C1orf141: variants seen among roughly 807,000 people sequenced by gnomAD.
The protein encoded by C1orf141 is chromosome 1 open reading frame 141.
In C1orf141, 19 loss-of-function variants were observed where a neutral mutation model predicts 23.2. The ratio of observed to expected loss-of-function variants is 0.82; its 90% CI spans 0.57 to 1.20. The LOEUF (loss-of-function observed/expected upper bound fraction) is 1.20, where lower values mean the gene tolerates loss of function less well. C1orf141 is among the 50% of genes most tolerant of loss of function. The probability of loss-of-function intolerance (pLI) is 0.00; values close to 1 mark genes in which losing one functional copy is unlikely to be tolerated. For synonymous variants in C1orf141, 153 were observed against 154.6 expected (o/e 0.99, Z 0.08); for missense variants, 469 against 455.1 (o/e 1.03, Z -0.28).
chr1:67,136,681 A>T (rs192665884), upstream of C1orf141, among the ~76,000 whole-genome samples: 462 of 152,312 alleles, frequency 3.0e-3, no homozygotes, highest in African/African-American at 9.0e-3. Flanking sequence ...TTCATCCTTT[A>T]CTTTTCATTC....
chr1:67,135,294 A>T (rs1646575627), upstream of C1orf141, among the ~76,000 whole-genome samples: 1 of 152,242 alleles, frequency 6.6e-6, no homozygotes, highest in Non-Finnish European at 1.5e-5. Context: ...TTTCAAAAAG[A>T]AGCTTACAAA....
chr1:67,094,035 A>G (rs1645614233), intron 7 of C1orf141: 1 of 152,936 alleles, frequency 6.5e-6, no homozygotes, highest in Non-Finnish European at 1.5e-5. Flanking sequence ...AGCCAAAATT[A>G]CAAATCTGGA....
intron 1 of C1orf141, 148 bp downstream of exon 1, chr1:67,134,782 C>G (rs2102514901): frequency 6.6e-6 from 1 of 152,548 alleles, no homozygotes; most frequent in South Asian, 2.1e-4. Flanking sequence ...CCACACTCTC[C>G]CGGTCCAGGC....
At chr1:67,093,635 TA>T in intron 7 of C1orf141, 31 bp from the exon 8 acceptor site, 1 of 1,489,456 alleles carries the variant, frequency 6.7e-7, no homozygotes, top group Non-Finnish European at 9.0e-7. Context: ...TAATTAGTCA[TA>T]AGTTCATTGA....
intron 5 of C1orf141, chr1:67,103,118 G>T: frequency 2.0e-6 from 1 of 502,172 alleles, no homozygotes; most frequent in Non-Finnish European, 3.4e-6. Context: ...GAGAAAGATC[G>T]TTATGGTAGT....
intron 3 of C1orf141, among the ~76,000 whole-genome samples, chr1:67,126,141 TG>T (rs148932210): frequency 1.3e-4 from 20 of 152,186 alleles, no homozygotes; most frequent in African/African-American, 4.3e-4. Flanking sequence ...CTGTAAAATG[TG>T]GGGGTAGGAC....
chr1:67,102,378 A>G (rs1443893911), intron 5 of C1orf141, among the ~76,000 whole-genome samples: 1 of 150,830 alleles, frequency 6.6e-6, no homozygotes, highest in Admixed American at 6.6e-5. Context: ...TACTGTGGCC[A>G]TGTTAAAAGT....
intron 4 of C1orf141, among the ~76,000 whole-genome samples, chr1:67,121,237 G>A (rs1036765351): frequency 6.6e-6 from 1 of 152,146 alleles, no homozygotes; most frequent in Admixed American, 6.5e-5. Flanking sequence ...CTTTTTTGCT[G>A]AACCAAATAA....
upstream of C1orf141, among the ~76,000 whole-genome samples, chr1:67,138,363 C>T (rs996114371): frequency 2.9e-4 from 44 of 152,204 alleles, no homozygotes; most frequent in African/African-American, 7.5e-4. Context: ...ATCCAATGGA[C>T]GTCTTTCAGG....
intron 1 of C1orf141, among the ~76,000 whole-genome samples, chr1:67,134,179 T>G (rs1002683642): frequency 6.6e-5 from 10 of 152,178 alleles, no homozygotes; most frequent in Non-Finnish European, 1.2e-4. Flanking sequence ...AATTTTTGTA[T>G]TTTTAGTAGA....
chr1:67,104,886 A>T (rs1341260246), intron 5 of C1orf141, among the ~76,000 whole-genome samples: 1 of 152,224 alleles, frequency 6.6e-6, no homozygotes. Flanking sequence ...TCTATATGTT[A>T]TTATAACTCA....
At position 67,093,434 on chromosome 1, in the gene C1orf141, A is replaced by G. The variant is rs915185166; in HGVS notation, c.774T>C (p.Ile258=). The G allele has an allele frequency of 1.9e-6, 3 of 1,611,388 alleles. No homozygotes were observed. The African/African-American group carries it at 4.0e-5, about 22-fold the overall frequency. The change falls in exon 8 of 8, where the codon ATT becomes ATC. Residue 258 remains isoleucine (I), a synonymous_variant. Coordinates refer to ENST00000684719, the MANE Select transcript of C1orf141 (RefSeq NM_001276351.2). The stretch of plus-strand genomic sequence containing the variant: ...TGAAAAGAGAAATAGATTGATTGCC[A>G]ATTATAGATTTGAGGATTTCACAAT... ...ERNCEILKSI[I]GNQSISLFKP...
chr1:67,113,366 T>C (rs1558195593), intron 5 of C1orf141, among the ~76,000 whole-genome samples: 1 of 151,738 alleles, frequency 6.6e-6, no homozygotes, highest in Non-Finnish European at 1.5e-5. Context: ...TCTTTGTTTC[T>C]TTTCTTTCTT....
upstream of C1orf141, among the ~76,000 whole-genome samples, chr1:67,139,675 T>G (rs1181997241): frequency 6.6e-6 from 1 of 152,232 alleles, no homozygotes; most frequent in Non-Finnish European, 1.5e-5. Flanking sequence ...AACTTTAATC[T>G]CCAGTGTGGC....
At chr1:67,103,937 A>G (rs746006241) in intron 5 of C1orf141, among the ~76,000 whole-genome samples, 8 of 152,128 alleles carry the variant, frequency 5.3e-5, no homozygotes, top group African/African-American at 9.6e-5. Flanking sequence ...GTTAATATAA[A>G]CTGAATACTT....
Position 67,093,617 on chromosome 1 carries a change from G to A in C1orf141, c.604-13C>T. 6.6e-7 allele frequency: 1 copy of A among 1,510,726 alleles called. No individual in the cohort carries two copies. Among genetic ancestry groups the A allele is most frequent in the East Asian group, 2.3e-5 (1 of 43,304 alleles). The allele number at this position is 1,510,726 out of a possible 1,614,324, so 93.6% of individuals were successfully genotyped here. On this transcript the variant is annotated splice_polypyrimidine_tract_variant and intron_variant, in intron 7 of 7. Coordinates refer to ENST00000684719, the MANE Select transcript of C1orf141 (RefSeq NM_001276351.2). ...TGTCCTTTTGTTCCTGTAGATTAAA[G>A]AAAAGAATAATTAGTCATAAGTTCA...
chr1:67,093,015 T>C lies in C1orf141; in HGVS notation c.1193A>G (p.Asn398Ser), dbSNP rs1213170319. Reference protein sequence around the residue: ...NLLNLSNEILNAS With the variant: ...NLLNLSNEILSAS ...TGCATACATAATATTTTATGAGGCA[T>C]TTAAAATTTCATTTGATAAGTTTAA... is the stretch of plus-strand genomic sequence containing the variant. The change falls in exon 8 of 8, where the codon AAT becomes AGT. Residue 398 changes from asparagine (N) to serine (S), a missense_variant. This residue lies in a region of C1orf141 where 370 missense variants were observed against 348.1 expected (regional missense o/e 1.06). Coordinates refer to ENST00000684719, the MANE Select transcript of C1orf141 (RefSeq NM_001276351.2). 4 of 1,578,532 alleles carry C rather than the reference T, an allele frequency of 2.5e-6. No individual in the cohort carries two copies. The highest frequency in any genetic ancestry group is 1.7e-6 in the Non-Finnish European group (2 of 1,155,550).
chr1:67,111,674 C>G (rs1646075878), intron 5 of C1orf141: 4 of 1,102,898 alleles, frequency 3.6e-6, no homozygotes, highest in Non-Finnish European at 5.0e-6. Context: ...TATTTCCATG[C>G]TATTAAGTTA....
intron 4 of C1orf141, 31 bp downstream of exon 4, chr1:67,125,721 A>C (rs763677771): frequency 6.3e-7 from 1 of 1,599,396 alleles, no homozygotes; most frequent in Non-Finnish European, 8.6e-7. Flanking sequence ...CAAATTCTGA[A>C]CTGAAAATTT....
Sources: allele counts gnomAD v4.1 joint callset (sites outside exome capture counted in the v4.1 genomes callset), GRCh38; gene constraint gnomAD v4.1.1; regional missense constraint gnomAD v4.1.1; transcripts MANE v1.5; gene names NCBI Gene and HGNC (gene_info 2026-07-23, HGNC 2026-07-21).